TMPRSS5: variants seen among roughly 807,000 people sequenced by gnomAD.
TMPRSS5 encodes the protein transmembrane protease serine 5.
A neutral mutation model predicts 59.7 loss-of-function variants in TMPRSS5; 45 were observed. The observed-to-expected ratio is 0.75, with a 90% CI of 0.59 to 0.97. The LOEUF (loss-of-function observed/expected upper bound fraction) is 0.97. Among genes scored for constraint, TMPRSS5 ranks in the 50% least tolerant of loss-of-function variants. The pLI is 0.00. For missense variants in TMPRSS5, 585 were observed against 596.7 expected, an observed-to-expected ratio of 0.98 and a Z score of 0.20; for synonymous variants, 225 against 232.0, an observed-to-expected ratio of 0.97 and a Z score of 0.27.
At chr11:113,689,271 G>A (rs990523005) in intron 12 of TMPRSS5, among the ~76,000 whole-genome samples, 1 of 152,012 alleles carries the variant, frequency 6.6e-6, no homozygotes, top group Non-Finnish European at 1.5e-5. Flanking sequence ...CAGGAAAATC[G>A]CTTGAACCCG....
intron 2 of TMPRSS5, 47 bp from the exon 3 acceptor site, chr11:113,699,740 C>A: frequency 2.0e-6 from 3 of 1,533,752 alleles, no homozygotes; most frequent in Non-Finnish European, 2.7e-6. Context: ...CTCCTGCCAG[C>A]CTGCCTTACT....
Position 113,695,399 on chromosome 11 carries a change from C to A in TMPRSS5, c.622+1G>T. Reference sequence around the variant, plus strand: ...CTCCCCTAGACCAAGATATGACTCACCAGAGCATCTGAGGGAAACAACTTG... The same window carrying A: ...CTCCCCTAGACCAAGATATGACTCAACAGAGCATCTGAGGGAAACAACTTG... On this transcript the variant is annotated splice_donor_variant, in intron 7 of 12. Transcript: ENST00000299882. LOFTEE classifies it high-confidence loss of function. The A allele has an allele frequency of 6.2e-7, 1 of 1,613,932 alleles. No individual in the cohort carries two copies. Among genetic ancestry groups the A allele is most frequent in the Non-Finnish European group, 8.5e-7 (1 of 1,179,876 alleles).
At chr11:113,695,685 C>T (rs1172982580) in intron 6 of TMPRSS5, among the ~76,000 whole-genome samples, 1 of 152,190 alleles carries the variant, frequency 6.6e-6, no homozygotes, top group African/African-American at 2.4e-5. Context: ...CAGAGGGCAA[C>T]AGAAGGACTT....
In TMPRSS5 at chr11:113,688,048, G is replaced by A; in HGVS notation, c.*212C>T. On this transcript the variant is annotated 3_prime_UTR_variant, in exon 13 of 13. Transcript: ENST00000299882. ...TCTCTTCTGTCATTGAGTCTCTAGT[G>A]AGAAAGAGGACTCTGAAATCAGGGC... 1 of 665,230 alleles carries A rather than the reference G, an allele frequency of 1.5e-6. No individual in the cohort carries two copies. The highest frequency in any genetic ancestry group is 2.2e-6 in the Non-Finnish European group (1 of 453,584). The allele number at this position is 665,230 out of a possible 1,614,324, so 41.2% of individuals were successfully genotyped here. A position where few individuals can be genotyped will look rare whatever the true frequency, so the allele number is the denominator to read the frequency against.
chr11:113,696,758 C>A, intron 6 of TMPRSS5, 100 bp downstream of exon 6: 1 of 754,668 alleles, frequency 1.3e-6, no homozygotes, highest in South Asian at 1.6e-5. Context: ...CATAGGCCAC[C>A]AGTGTCCTCC....
At chr11:113,695,167 G>A (rs1222211724) in intron 7 of TMPRSS5, among the ~76,000 whole-genome samples, 1 of 152,212 alleles carries the variant, frequency 6.6e-6, no homozygotes, top group Non-Finnish European at 1.5e-5. Context: ...AGTGAAGGAA[G>A]GAGATCATCA....
At chr11:113,696,788 G>A (rs1047245180) in intron 6 of TMPRSS5, 70 bp downstream of exon 6, 17 of 1,052,588 alleles carry the variant, frequency 1.6e-5, no homozygotes, top group South Asian at 9.6e-5. Context: ...TCCCAAGAAA[G>A]GAGATTTTTG....
In TMPRSS5 at chr11:113,700,065, C is replaced by T. The variant is rs1365515278; in HGVS notation, c.106+1G>A. On this transcript the variant is annotated splice_donor_variant, in intron 2 of 12. Transcript: ENST00000299882. LOFTEE classifies it high-confidence loss of function. ...TTCCCCTATGGCCCAGTCTGGCCTA[C>T]TGGGATGCTGCTGGTCTCCAGGCTC... 2 of 1,562,036 alleles carry T rather than the reference C, an allele frequency of 1.3e-6. No individual in the cohort carries two copies. The highest frequency in any genetic ancestry group is 4.7e-5 in the East Asian group (2 of 42,476).
chr11:113,699,248 T>TCCCC (rs1565263534), intron 3 of TMPRSS5, among the ~76,000 whole-genome samples: 5 of 84,860 alleles, frequency 5.9e-5, no homozygotes, highest in African/African-American at 3.4e-4. Flanking sequence ...TCTCTCTCTC[T>TCCCC]CTCTCTCTCT....
chr11:113,704,644 G>T (rs1206103923), intron 1 of TMPRSS5, among the ~76,000 whole-genome samples: 1 of 152,126 alleles, frequency 6.6e-6, no homozygotes, highest in Non-Finnish European at 1.5e-5. Flanking sequence ...CTTTGCATCT[G>T]CTCTCCCCTT....
chr11:113,699,530 C>A (rs1259524698), intron 3 of TMPRSS5, 65 bp downstream of exon 3: 8 of 1,368,064 alleles, frequency 5.8e-6, no homozygotes, highest in African/African-American at 1.5e-5. Context: ...ACCTTTAACA[C>A]CTGCTCAGCA....
At chr11:113,688,337 T>C (rs1363012089) in intron 12 of TMPRSS5, 63 bp from the exon 13 acceptor site, 9 of 1,170,116 alleles carry the variant, frequency 7.7e-6, no homozygotes, top group Non-Finnish European at 1.1e-5. Flanking sequence ...GCGACTTTTA[T>C]TTTAGTAAAT....
chr11:113,691,892 CT>C (rs58784708), intron 9 of TMPRSS5, among the ~76,000 whole-genome samples: 22 of 121,098 alleles, frequency 1.8e-4, no homozygotes, highest in Admixed American at 4.6e-4. Context: ...CCTTTTTTTT[CT>C]TTTTTTTTTT....
At chr11:113,700,545 T>C (rs1364453682) in intron 1 of TMPRSS5, among the ~76,000 whole-genome samples, 1 of 152,056 alleles carries the variant, frequency 6.6e-6, no homozygotes, top group Non-Finnish European at 1.5e-5. Context: ...TTCCCTCCTA[T>C]CTCAGAGGAA....
rs45570834 is a variant in TMPRSS5, at chr11:113,690,759, AG to A, written c.1063+81del. The A allele has an allele frequency of 0.074, 95,476 of 1,284,390 alleles. 4,702 individuals carry two copies. The highest frequency in any genetic ancestry group is 0.23 in the African/African-American group (15,681 of 67,894). 79.6% of individuals were successfully genotyped at this position (1,284,390 alleles called of 1,614,324 possible). On this transcript the variant is annotated intron_variant, in intron 10 of 12. Transcript: ENST00000299882. Reference sequence around the variant, plus strand: ...ACAGGGCTGGCACTGTCATGTGGCCAGGGGATGTGGCCTTGCCTCACCCTGG... The same window carrying A: ...ACAGGGCTGGCACTGTCATGTGGCCAGGGATGTGGCCTTGCCTCACCCTGG...
intron 12 of TMPRSS5, among the ~76,000 whole-genome samples, chr11:113,688,657 G>A (rs574755040): frequency 6.6e-6 from 1 of 152,196 alleles, no homozygotes; most frequent in Non-Finnish European, 1.5e-5. Context: ...TGGAACCTCC[G>A]CCTCCCAGGT....
At chr11:113,691,025 G>T in intron 9 of TMPRSS5, 86 bp from the exon 10 acceptor site, 1 of 1,253,374 alleles carries the variant, frequency 8.0e-7, no homozygotes, top group Non-Finnish European at 1.1e-6. Context: ...GGACTGGCAA[G>T]TCCTCCTCAG....
intron 1 of TMPRSS5, 66 bp downstream of exon 1, chr11:113,706,156 A>AG (rs1953285866): frequency 6.4e-7 from 1 of 1,554,982 alleles, no homozygotes; most frequent in African/African-American, 1.4e-5. Context: ...TCCCAAGGGC[A>AG]GAGGAGGGAG....
chr11:113,699,623 G>A lies in TMPRSS5; in HGVS notation c.177C>T (p.Ala59=), dbSNP rs202062325. ...CAVLGALGLL[A]GAGVGSWLLV... ...GGAGCCATGAGCCAACACCTGCACC[G>A]GCCAGCAGCCCCAGGGCTCCCAGCA... The change falls in exon 3 of 13, where the codon GCC becomes GCT. Residue 59 remains alanine (A), a synonymous_variant. Coordinates refer to ENST00000299882, the MANE Select transcript of TMPRSS5 (RefSeq NM_030770.4). The A allele has an allele frequency of 3.2e-4, 508 of 1,582,366 alleles. 1 individual carries two copies. Among genetic ancestry groups the A allele is most frequent in the Admixed American group, 5.1e-4 (28 of 54,952 alleles).
Sources: gnomAD v4.1 joint callset for allele counts (sites outside exome capture counted in the v4.1 genomes callset) on GRCh38, gnomAD v4.1.1 for gene constraint, MANE v1.5 for transcripts, NCBI Gene and HGNC (gene_info 2026-07-23, HGNC 2026-07-21) for gene names.